Variants in CNTNAP5 observed in about 807,000 individuals in gnomAD.
The protein encoded by CNTNAP5 is contactin-associated protein-like 5.
CNTNAP5 carries 72 observed loss-of-function variants against 150.2 expected under a neutral mutation model. The ratio of observed to expected loss-of-function variants is 0.48; its 90% CI spans 0.40 to 0.58. The LOEUF is 0.58. Among genes scored for constraint, CNTNAP5 ranks in the 20% least tolerant of loss-of-function variants. The pLI, the probability that CNTNAP5 is intolerant of heterozygous loss-of-function variation, is 0.00. For missense variants in CNTNAP5, 1,636 were observed against 1,626.2 expected, an observed-to-expected ratio of 1.01 and a Z score of -0.10; for synonymous variants, 672 against 619.8, an observed-to-expected ratio of 1.08 and a Z score of -1.25.
intron 10 of CNTNAP5, among the ~76,000 whole-genome samples, chr2:124,542,494 G>C (rs1254406302): frequency 6.6e-6 from 1 of 151,818 alleles, no homozygotes; most frequent in Non-Finnish European, 1.5e-5. Context: ...GTGCACCACT[G>C]CCTGCCACAA....
At chr2:124,230,863 C>T (rs1686599528) in intron 2 of CNTNAP5, among the ~76,000 whole-genome samples, 1 of 152,106 alleles carries the variant, frequency 6.6e-6, no homozygotes, top group Non-Finnish European at 1.5e-5. Context: ...GTAAGCTATA[C>T]AGAAATGGGT....
intron 12 of CNTNAP5, among the ~76,000 whole-genome samples, chr2:124,641,520 T>A (rs1382051354): frequency 6.6e-6 from 1 of 152,144 alleles, no homozygotes; most frequent in Non-Finnish European, 1.5e-5. Flanking sequence ...ACAAGAGATA[T>A]CACAAGATTG....
intron 3 of CNTNAP5, among the ~76,000 whole-genome samples, chr2:124,256,682 G>T (rs1259241114): frequency 3.3e-5 from 5 of 152,178 alleles, no homozygotes; most frequent in Non-Finnish European, 7.3e-5. Flanking sequence ...GCAAATTAAA[G>T]AAGGATATAC....
rs145480371 is a variant in CNTNAP5, at chr2:124,504,538, G to A, written c.1309G>A (p.Val437Ile). Residue 437 changes from valine (V) to isoleucine (I), a missense_variant, in exon 8 of 24, where the codon GTA becomes ATA. Physicochemically the swap from Val to Ile is conservative, Grantham distance 29. Transcript: ENST00000682447. ...RLVIQKMTER[V>I]AEILTGSNLN... ...CGTGATTCAGAAAATGACAGAACGC[G>A]TAGCTGAAATCCTCACAGGTACTGT... is the stretch of plus-strand genomic sequence containing the variant. 85 of 1,613,618 alleles carry A rather than the reference G, an allele frequency of 5.3e-5. 1 individual carries two copies. The Middle Eastern group carries it at 8.3e-4, about 16-fold the overall frequency.
At chr2:124,540,129 C>G (rs1335256964) in intron 10 of CNTNAP5, among the ~76,000 whole-genome samples, 1 of 152,172 alleles carries the variant, frequency 6.6e-6, no homozygotes, top group Admixed American at 6.6e-5. Flanking sequence ...CTAGTACATC[C>G]AGAACACCGT....
chr2:124,552,795 A>G (rs1198564619), intron 10 of CNTNAP5, among the ~76,000 whole-genome samples: 1 of 152,186 alleles, frequency 6.6e-6, no homozygotes, highest in East Asian at 1.9e-4. Flanking sequence ...TGGTACTTAT[A>G]TTCCCACCGG....
chr2:124,782,320 T>G (rs1001298243), intron 17 of CNTNAP5, among the ~76,000 whole-genome samples: 2 of 152,232 alleles, frequency 1.3e-5, no homozygotes, highest in African/African-American at 4.8e-5. Context: ...CTGCTTGCTT[T>G]GTGTTCACAA....
chr2:124,438,780 T>C (rs1439521477), intron 5 of CNTNAP5, among the ~76,000 whole-genome samples: 2 of 152,116 alleles, frequency 1.3e-5, no homozygotes, highest in African/African-American at 2.4e-5. Flanking sequence ...CTATAAAAGT[T>C]TTTTTTTAGT....
intron 13 of CNTNAP5, among the ~76,000 whole-genome samples, chr2:124,730,911 A>T (rs1472974812): frequency 1.3e-5 from 2 of 152,060 alleles, no homozygotes; most frequent in Non-Finnish European, 2.9e-5. Flanking sequence ...ACAGGCATGA[A>T]ATCCTATTTT....
intron 13 of CNTNAP5, among the ~76,000 whole-genome samples, chr2:124,710,547 C>A (rs995749036): frequency 1.3e-5 from 2 of 152,076 alleles, no homozygotes; most frequent in Non-Finnish European, 2.9e-5. Context: ...GTCAATCCAC[C>A]ACTCCATCCA....
chr2:124,075,227 T>C (rs1208045852), intron 1 of CNTNAP5, among the ~76,000 whole-genome samples: 1 of 152,132 alleles, frequency 6.6e-6, no homozygotes, highest in Non-Finnish European at 1.5e-5. Flanking sequence ...TTAGCTTGCC[T>C]CCTTTTTGTC....
intron 1 of CNTNAP5, among the ~76,000 whole-genome samples, chr2:124,051,798 G>A (rs999909066): frequency 1.1e-4 from 17 of 152,232 alleles, no homozygotes; most frequent in Admixed American, 2.0e-4. Flanking sequence ...TTGACACAGC[G>A]TAGTCACTCA....
intron 7 of CNTNAP5, among the ~76,000 whole-genome samples, chr2:124,483,709 T>A (rs1693807398): frequency 6.6e-6 from 1 of 152,198 alleles, no homozygotes; most frequent in South Asian, 2.1e-4. Context: ...AGCATTTGAG[T>A]CATTATTGTC....
At chr2:124,031,125 T>C (rs1237620180) in intron 1 of CNTNAP5, among the ~76,000 whole-genome samples, 1 of 148,944 alleles carries the variant, frequency 6.7e-6, no homozygotes, top group East Asian at 2.0e-4. Context: ...TCTCTCACTC[T>C]CTCCCCGCTA....
Position 124,679,959 on chromosome 2 carries a change from G to A in CNTNAP5, c.2077+32001G>A, listed in dbSNP as rs117677278. On this transcript the variant is annotated intron_variant, in intron 13 of 23. Transcript: ENST00000682447. ...GGCTGTTTGTCTTCTCAAGAAGTTC[G>A]AGACCCCCGCCCCCACAACTCTGCA... 5.8e-4 allele frequency among the ~76,000 whole-genome samples: 88 copies of A among 151,678 alleles called. No individual in the cohort carries two copies. In the East Asian group the frequency reaches 0.016, roughly 28 times the overall value.
intron 19 of CNTNAP5, among the ~76,000 whole-genome samples, chr2:124,854,912 G>A (rs1198859388): frequency 6.6e-6 from 1 of 152,146 alleles, no homozygotes; most frequent in Admixed American, 6.5e-5. Flanking sequence ...CTTAAATAAT[G>A]AGGAGGAGCT....
chr2:124,262,687 A>G (rs1407261682), intron 3 of CNTNAP5, among the ~76,000 whole-genome samples: 1 of 151,694 alleles, frequency 6.6e-6, no homozygotes, highest in East Asian at 1.9e-4. Flanking sequence ...TCTAGGGTAC[A>G]TGTGCACAAC....
intron 13 of CNTNAP5, among the ~76,000 whole-genome samples, chr2:124,738,485 C>A (rs1379478029): frequency 6.6e-6 from 1 of 152,082 alleles, no homozygotes; most frequent in Non-Finnish European, 1.5e-5. Context: ...GTAATCTCAG[C>A]ACTTTGGGAG....
At chr2:124,252,213 TAGA>T (rs1374522118) in intron 3 of CNTNAP5, among the ~76,000 whole-genome samples, 4 of 152,160 alleles carry the variant, frequency 2.6e-5, no homozygotes, top group Non-Finnish European at 5.9e-5. Context: ...TGTGTGTGTA[TAGA>T]AGAAGAACCA....
Sources: allele counts gnomAD v4.1 joint callset (sites outside exome capture counted in the v4.1 genomes callset), GRCh38; gene constraint gnomAD v4.1.1; transcripts MANE v1.5; gene names NCBI Gene and HGNC (gene_info 2026-07-23, HGNC 2026-07-21).